Variants in SLC25A21 observed in about 807,000 individuals in gnomAD.
SLC25A21 encodes solute carrier family 25 member 21.
In SLC25A21, 47 loss-of-function variants were observed where a neutral mutation model predicts 43.8. That is an observed-to-expected ratio of 1.07 (90% CI 0.85 to 1.37). SLC25A21 has a LOEUF of 1.37. Ranked by LOEUF, SLC25A21 falls within the 40% of genes most tolerant of loss-of-function variation. SLC25A21 has a pLI of 0.00. For missense variants in SLC25A21, 352 were observed against 350.2 expected (o/e 1.00, Z -0.04); for synonymous variants, 131 against 121.3 (o/e 1.08, Z -0.52).
rs1216684783 is a variant in SLC25A21 at position 37,009,482 on chromosome 14, T to C, written c.71-134478A>G. Among the ~76,000 whole-genome samples, 5 of 151,530 alleles carry C rather than the reference T, an allele frequency of 3.3e-5. No individual in the cohort carries two copies. The South Asian group carries it at 8.3e-4, about 25-fold the overall frequency. On this transcript the variant is annotated intron_variant, in intron 1 of 9. Coordinates refer to ENST00000331299, the MANE Select transcript of SLC25A21 (RefSeq NM_030631.4). ...GCCTGGGCAGCAGAGCAAAACTTCA[T>C]CTCAAGAAAAAAAAAGAACTTAGAT...
At chr14:36,863,356 T>G (rs1178351226) in intron 2 of SLC25A21, among the ~76,000 whole-genome samples, 1 of 152,030 alleles carries the variant, frequency 6.6e-6, no homozygotes, top group Non-Finnish European at 1.5e-5. Flanking sequence ...CGAGGAAAAA[T>G]AGCTACTATA....
intron 1 of SLC25A21, among the ~76,000 whole-genome samples, chr14:37,088,271 A>G (rs7140183): frequency 0.049 from 7,390 of 152,264 alleles, 593 homozygotes; most frequent in African/African-American, 0.17. Flanking sequence ...TGTACTGAAA[A>G]TATTTCTACA....
intron 3 of SLC25A21, among the ~76,000 whole-genome samples, chr14:36,742,451 G>A (rs1328866804): frequency 6.6e-6 from 1 of 152,156 alleles, no homozygotes; most frequent in African/African-American, 2.4e-5. Flanking sequence ...GACATCATTT[G>A]CACTCCACAA....
intron 1 of SLC25A21, among the ~76,000 whole-genome samples, chr14:37,155,393 C>A (rs1963830885): frequency 6.6e-6 from 1 of 152,094 alleles, no homozygotes; most frequent in Non-Finnish European, 1.5e-5. Context: ...ATAAGTCTAG[C>A]AGGAGATGTA....
chr14:36,771,114 G>A (rs1483480786), intron 3 of SLC25A21, among the ~76,000 whole-genome samples: 3 of 152,166 alleles, frequency 2.0e-5, no homozygotes, highest in Admixed American at 6.5e-5. Flanking sequence ...ATAATCTCTT[G>A]TTAGATCAAC....
At chr14:36,732,553 C>A (rs1231464952) in intron 4 of SLC25A21, among the ~76,000 whole-genome samples, 1 of 152,116 alleles carries the variant, frequency 6.6e-6, no homozygotes, top group Admixed American at 6.5e-5. Flanking sequence ...TGATAAAGCT[C>A]ATTTCAAAGA....
At chr14:36,916,167 T>A (rs1237477331) in intron 1 of SLC25A21, among the ~76,000 whole-genome samples, 2 of 152,066 alleles carry the variant, frequency 1.3e-5, no homozygotes, top group Admixed American at 1.3e-4. Context: ...CTTAAGAAAA[T>A]TTCATGGAGA....
chr14:36,859,427 A>G (rs1229733754), intron 2 of SLC25A21, among the ~76,000 whole-genome samples: 1 of 152,202 alleles, frequency 6.6e-6, no homozygotes, highest in Admixed American at 6.5e-5. Flanking sequence ...GGGCTCATGA[A>G]GCCCACTTGT....
At chr14:36,687,537 G>A (rs968028629) in intron 7 of SLC25A21, among the ~76,000 whole-genome samples, 16 of 152,284 alleles carry the variant, frequency 1.1e-4, no homozygotes, top group African/African-American at 3.6e-4. Flanking sequence ...GCATTCTAGG[G>A]AGGAAAAGAA....
At chr14:36,958,676 C>T (rs924055735) in intron 1 of SLC25A21, among the ~76,000 whole-genome samples, 15 of 110,062 alleles carry the variant, frequency 1.4e-4, no homozygotes, top group African/African-American at 5.3e-4. Flanking sequence ...CATAAGCACA[C>T]GTGCACACAC....
chr14:36,979,139 C>T (rs1959952334), intron 1 of SLC25A21, among the ~76,000 whole-genome samples: 1 of 152,080 alleles, frequency 6.6e-6, no homozygotes. Flanking sequence ...GGTTAGACAG[C>T]ATGATGCTGT....
At chr14:36,682,353 T>C (rs1882314740) in intron 9 of SLC25A21, among the ~76,000 whole-genome samples, 1 of 152,164 alleles carries the variant, frequency 6.6e-6, no homozygotes, top group Admixed American at 6.5e-5. Context: ...TATTCACAGT[T>C]TGGCTTAGCC....
At chr14:36,967,575 G>A (rs1482374329) in intron 1 of SLC25A21, among the ~76,000 whole-genome samples, 3 of 152,212 alleles carry the variant, frequency 2.0e-5, no homozygotes, top group East Asian at 3.8e-4. Flanking sequence ...TACTAAGCAA[G>A]CAACTCAGCC....
At chr14:36,906,469 C>CTG (rs1891537233) in intron 1 of SLC25A21, among the ~76,000 whole-genome samples, 2 of 151,372 alleles carry the variant, frequency 1.3e-5, no homozygotes, top group Non-Finnish European at 2.9e-5. Context: ...GATGATGAAG[C>CTG]AACAGGTCTA....
intron 1 of SLC25A21, among the ~76,000 whole-genome samples, chr14:36,931,686 G>A (rs1226257636): frequency 6.6e-6 from 1 of 152,142 alleles, no homozygotes; most frequent in Non-Finnish European, 1.5e-5. Context: ...ACAGAAAGCA[G>A]AGAAGAGCAC....
intron 3 of SLC25A21, among the ~76,000 whole-genome samples, chr14:36,798,530 A>G (rs945760571): frequency 4.0e-5 from 6 of 149,886 alleles, no homozygotes; most frequent in African/African-American, 1.5e-4. Flanking sequence ...TTGCAGAATT[A>G]AGTGTTTAGA....
chr14:36,921,762 C>A (rs1482254674), intron 1 of SLC25A21, among the ~76,000 whole-genome samples: 2 of 152,162 alleles, frequency 1.3e-5, no homozygotes, highest in African/African-American at 4.8e-5. Flanking sequence ...CAAGTATGCT[C>A]ATTTTGTGAA....
At chr14:36,820,142 A>G (rs1317996578) in intron 2 of SLC25A21, among the ~76,000 whole-genome samples, 2 of 152,188 alleles carry the variant, frequency 1.3e-5, no homozygotes, top group Admixed American at 1.3e-4. Context: ...CCAGTGAGAT[A>G]GGTAAAGAGC....
rs1459550129 is a variant in SLC25A21 at position 36,861,709 on chromosome 14, C to A, written c.119+13247G>T. ...CTAGAAAACATTTTTAAAACTGTTA[C>A]AATAGCAAAATAAACAACAAACATT... On this transcript the variant is annotated intron_variant, in intron 2 of 9. Coordinates refer to ENST00000331299, the MANE Select transcript of SLC25A21 (RefSeq NM_030631.4). Among the ~76,000 whole-genome samples, 3 of 152,154 alleles carry A rather than the reference C, an allele frequency of 2.0e-5. No individual in the cohort carries two copies. In the South Asian group the frequency reaches 6.2e-4, roughly 32 times the overall value.
Sources: allele counts gnomAD v4.1 joint callset (sites outside exome capture counted in the v4.1 genomes callset), GRCh38; gene constraint gnomAD v4.1.1; transcripts MANE v1.5; gene names NCBI Gene and HGNC (gene_info 2026-07-23, HGNC 2026-07-21).